The following GSTA3 variants were observed in gnomAD, a reference collection of about 807,000 sequenced individuals.
GSTA3 encodes the protein glutathione S-transferase alpha 3, also known as glutathione S-transferase A3.
In GSTA3, 16 loss-of-function variants were observed where a neutral mutation model predicts 23.1. The ratio of observed to expected loss-of-function variants is 0.69; its 90% confidence interval spans 0.47 to 1.05. The LOEUF is 1.05. Ranked by LOEUF, GSTA3 falls within the 50% of genes least tolerant of loss-of-function variation. The pLI is 0.00. For synonymous variants in GSTA3, 122 were observed against 91.0 expected, an observed-to-expected ratio of 1.34 and a Z score of -1.94; for missense variants, 319 against 263.6, an observed-to-expected ratio of 1.21 and a Z score of -1.46.
At chr6:52,898,076 G>T (rs1212459954) in intron 5 of GSTA3, 120 bp from the exon 6 acceptor site, 2 of 1,120,806 alleles carry the variant, frequency 1.8e-6, no homozygotes, top group Non-Finnish European at 2.7e-6. Flanking sequence ...ATGGTGTGAA[G>T]GTCCAGGCCT....
Position 52,900,166 on chromosome 6 carries a change from T to C in GSTA3, c.273-91A>G, listed in dbSNP as rs140902390. The C allele has an allele frequency of 1.7e-4, 194 of 1,108,716 alleles. No homozygotes were observed. The African/African-American group carries it at 2.8e-3, about 16-fold the overall frequency. 68.7% of individuals were successfully genotyped at this position (1,108,716 alleles called of 1,614,324 possible). A position where few individuals can be genotyped will look rare whatever the true frequency, so the allele number is the denominator to read the frequency against. The stretch of plus-strand genomic sequence containing the variant: ...CCTAAGAGAATAGAGGGTCAGATGG[T>C]GGTAAGGTAATTCATCTCCATTGGG... On this transcript the variant is annotated intron_variant, in intron 4 of 6. Transcript: ENST00000211122.
Position 52,902,330 on chromosome 6 carries a change from A to C in GSTA3, c.272+16T>G. 6.2e-7 allele frequency: 1 copy of C among 1,612,374 alleles called. No homozygotes were observed. The highest frequency in any genetic ancestry group is 2.2e-5 in the East Asian group (1 of 44,876). ...CTGTGTTCTCTGTGGATGGAAGAAC[A>C]CAAAATATACCGTACAGGGCTCTCT... On this transcript the variant is annotated intron_variant, in intron 4 of 6. Transcript: ENST00000211122.
intron 3 of GSTA3, among the ~76,000 whole-genome samples, chr6:52,902,783 G>C (rs891148581): frequency 1.3e-5 from 2 of 152,086 alleles, no homozygotes; most frequent in Admixed American, 6.5e-5. Context: ...GCTGAGACAG[G>C]TTACAACGGG....
In GSTA3 at chr6:52,903,084, G is replaced by A. The variant is rs45501391; in HGVS notation, c.139+592C>T. ...GAGCTGATGACCTCAGCTCATTCAC[G>A]GTGCCCCAAGCATGAAAACAAGGAA... On this transcript the variant is annotated intron_variant, in intron 3 of 6. Transcript: ENST00000211122. 6.2e-4 allele frequency among the ~76,000 whole-genome samples: 95 copies of A among 152,124 alleles called. No homozygotes were observed. In the East Asian group the frequency reaches 0.015, roughly 24 times the overall value.
chr6:52,907,921 A>T (rs2127365237), intron 1 of GSTA3, among the ~76,000 whole-genome samples: 1 of 151,962 alleles, frequency 6.6e-6, no homozygotes, highest in Admixed American at 6.6e-5. Context: ...ACATGTATGC[A>T]TATGTAACGA....
chr6:52,897,372 T>G (rs891278224), intron 6 of GSTA3, among the ~76,000 whole-genome samples: 1 of 152,232 alleles, frequency 6.6e-6, no homozygotes, highest in Admixed American at 6.5e-5. Context: ...GGGGGCAGTG[T>G]GTTGGGTGTG....
At chr6:52,901,717 G>A (rs141595929) in intron 4 of GSTA3, among the ~76,000 whole-genome samples, 173 of 152,304 alleles carry the variant, frequency 1.1e-3, no homozygotes, top group African/African-American at 4.1e-3. Context: ...TTTCACATAG[G>A]ATGTTATTTA....
chr6:52,908,502 G>C (rs968562082), intron 1 of GSTA3, among the ~76,000 whole-genome samples: 15 of 152,074 alleles, frequency 9.9e-5, no homozygotes, highest in Non-Finnish European at 2.2e-4. Context: ...GTGACAGAAT[G>C]AGACTGTCTC....
rs1344204185 is a variant in GSTA3, at chr6:52,896,727, A to G, written c.*79T>C. 3 of 1,527,948 alleles carry G rather than the reference A, an allele frequency of 2.0e-6. No homozygotes were observed. The highest frequency in any genetic ancestry group is 3.6e-5 in the Admixed American group (2 of 55,862). The allele number at this position is 1,527,948 out of a possible 1,614,324, so 94.6% of individuals were successfully genotyped here. ...ATTAGCTTTACAACAGGCACAATCA[A>G]CACTTAAGTAAAGCACTTCATTGTT... On this transcript the variant is annotated 3_prime_UTR_variant, in exon 7 of 7. Coordinates refer to ENST00000211122, the MANE Select transcript of GSTA3 (RefSeq NM_000847.5).
chr6:52,902,557 T>A, intron 3 of GSTA3, 79 bp from the exon 4 acceptor site: 1 of 1,372,056 alleles, frequency 7.3e-7, no homozygotes, highest in Non-Finnish European at 1.0e-6. Context: ...ATGGTTGAAA[T>A]GACTGAGGTT....
At chr6:52,902,083 A>T (rs1003750377) in intron 4 of GSTA3, among the ~76,000 whole-genome samples, 8 of 152,132 alleles carry the variant, frequency 5.3e-5, no homozygotes, top group Admixed American at 1.3e-4. Flanking sequence ...TCCTGAGTTC[A>T]TGGTTCATCA....
rs1032050512 is a variant in GSTA3 at position 52,903,558 on chromosome 6, C to G, written c.139+118G>C. 2.9e-5 allele frequency: 16 copies of G among 553,500 alleles called. No homozygotes were observed. The Admixed American group carries it at 3.7e-4, about 13-fold the overall frequency. The allele number at this position is 553,500 out of a possible 1,614,324, so 34.3% of individuals were successfully genotyped here. Reference sequence around the variant, plus strand: ...CTTGCAGTAAGCCGAGATCATGCCACTGCACTCCAGCCTGGGCAACACAGC... The same window carrying G: ...CTTGCAGTAAGCCGAGATCATGCCAGTGCACTCCAGCCTGGGCAACACAGC... On this transcript the variant is annotated intron_variant, in intron 3 of 6. Transcript: ENST00000211122.
rs1581853460 is a variant in GSTA3 at position 52,896,718 on chromosome 6, G to T, written c.*88C>A. On this transcript the variant is annotated 3_prime_UTR_variant, in exon 7 of 7. Coordinates refer to ENST00000211122, the MANE Select transcript of GSTA3 (RefSeq NM_000847.5). ...AAAGGGTTCATTAGCTTTACAACAG[G>T]CACAATCAACACTTAAGTAAAGCAC... is the stretch of plus-strand genomic sequence containing the variant. 1.4e-6 allele frequency: 2 copies of T among 1,452,000 alleles called. No individual in the cohort carries two copies. Among genetic ancestry groups the T allele is most frequent in the Non-Finnish European group, 1.9e-6 (2 of 1,048,942 alleles). The allele number at this position is 1,452,000 out of a possible 1,614,324, so 89.9% of individuals were successfully genotyped here.
At chr6:52,904,960 C>G (rs1237460656) in intron 2 of GSTA3, among the ~76,000 whole-genome samples, 1 of 152,150 alleles carries the variant, frequency 6.6e-6, no homozygotes, top group Non-Finnish European at 1.5e-5. Context: ...TTGTTCACTG[C>G]CAATCCTCAG....
chr6:52,906,345 G>A (rs1231714199), intron 1 of GSTA3, among the ~76,000 whole-genome samples: 1 of 152,118 alleles, frequency 6.6e-6, no homozygotes, highest in Non-Finnish European at 1.5e-5. Context: ...TAGAACCTAG[G>A]TCTTCTGACA....
At chr6:52,899,361 C>T (rs1021598661) in intron 5 of GSTA3, among the ~76,000 whole-genome samples, 2 of 152,116 alleles carry the variant, frequency 1.3e-5, no homozygotes, top group African/African-American at 4.8e-5. Context: ...TCCTAACCTG[C>T]GCTGTTATAA....
chr6:52,902,203 T>A (rs1489956854), intron 4 of GSTA3, 143 bp downstream of exon 4: 1 of 902,872 alleles, frequency 1.1e-6, no homozygotes, highest in Non-Finnish European at 1.7e-6. Context: ...CCCATGGGAC[T>A]CTGCAATACT....
rs1294682983 is a variant in GSTA3 at position 52,909,698 on chromosome 6, T to A, written c.-79A>T. ...TCTCAAGGCCACCTCCTGATGTGTA[T>A]GTTAGCTGTTTTAATACTATGACAA... On this transcript the variant is annotated 5_prime_UTR_variant, in exon 1 of 7. Coordinates refer to ENST00000211122, the MANE Select transcript of GSTA3 (RefSeq NM_000847.5). The A allele has an allele frequency of 1.3e-5, 2 of 152,208 alleles. No homozygotes were observed. The highest frequency in any genetic ancestry group is 4.8e-5 in the African/African-American group (2 of 41,448). 9.4% of individuals were successfully genotyped at this position (152,208 alleles called of 1,614,324 possible).
intron 4 of GSTA3, among the ~76,000 whole-genome samples, chr6:52,900,736 C>A (rs1369798863): frequency 1.3e-5 from 2 of 152,186 alleles, no homozygotes; most frequent in African/African-American, 2.4e-5. Context: ...GATTTATCAT[C>A]TCCATTGTGG....
Sources: allele counts gnomAD v4.1 joint callset (sites outside exome capture counted in the v4.1 genomes callset), GRCh38; gene constraint gnomAD v4.1.1; transcripts MANE v1.5; gene names NCBI Gene and HGNC (gene_info 2026-07-23, HGNC 2026-07-21).